ADGRL3: variants seen among roughly 807,000 people sequenced by gnomAD.
The protein encoded by ADGRL3 is calcium-independent alpha-latrotoxin receptor 3.
In ADGRL3, 62 loss-of-function variants were observed where a neutral mutation model predicts 153.5. The ratio of observed to expected loss-of-function variants is 0.40; its 90% CI spans 0.33 to 0.50. ADGRL3 has a LOEUF of 0.50. Ranked by LOEUF, ADGRL3 falls within the 20% of genes least tolerant of loss-of-function variation. The pLI is 0.47. For synonymous variants in ADGRL3, 710 were observed against 672.5 expected, an observed-to-expected ratio of 1.06 and a Z score of -0.86; for missense variants, 1,641 against 1,859.4, an observed-to-expected ratio of 0.88 and a Z score of 2.16.
At position 61,865,815 on chromosome 4, in the gene ADGRL3, G is replaced by A. The variant is rs866710071; in HGVS notation, c.1481-26841G>A. Among the ~76,000 whole-genome samples, 2 of 152,186 alleles carry A rather than the reference G, an allele frequency of 1.3e-5. 1 individual carries two copies. The highest frequency in any genetic ancestry group is 4.1e-4 in the South Asian group (2 of 4,838). On this transcript the variant is annotated intron_variant, in intron 9 of 26. Transcript: ENST00000683033. Reference sequence around the variant, plus strand: ...GAGAGGGGAGCATAAGTTTGGGCAGGAAAGGTCTTAAGTGACTGTCTTTGA... The same window carrying A: ...GAGAGGGGAGCATAAGTTTGGGCAGAAAAGGTCTTAAGTGACTGTCTTTGA...
intron 4 of ADGRL3, among the ~76,000 whole-genome samples, chr4:61,525,846 A>G: frequency 6.6e-6 from 1 of 152,064 alleles, no homozygotes; most frequent in East Asian, 1.9e-4. Flanking sequence ...AATAATGGTG[A>G]AGTTGGTCTT....
intron 2 of ADGRL3, among the ~76,000 whole-genome samples, chr4:61,412,836 T>G (rs557625580): frequency 6.6e-6 from 1 of 152,322 alleles, no homozygotes; most frequent in South Asian, 2.1e-4. Context: ...ATTTTTGTAA[T>G]TGCTCATTGG....
At chr4:61,833,697 A>G (rs1050603602) in intron 9 of ADGRL3, among the ~76,000 whole-genome samples, 15 of 152,172 alleles carry the variant, frequency 9.9e-5, no homozygotes, top group African/African-American at 3.1e-4. Context: ...CTCCAGCTGC[A>G]TGACTCCTAA....
chr4:61,797,971 C>T (rs897304140), intron 8 of ADGRL3, among the ~76,000 whole-genome samples: 11 of 152,154 alleles, frequency 7.2e-5, no homozygotes, highest in Non-Finnish European at 1.6e-4. Context: ...TCACAGCCAT[C>T]TATTAATATG....
intron 6 of ADGRL3, among the ~76,000 whole-genome samples, chr4:61,713,056 T>A (rs2096029581): frequency 1.3e-5 from 2 of 152,210 alleles, no homozygotes; most frequent in South Asian, 4.1e-4. Context: ...AAAAAGTAAT[T>A]GCATAAATAT....
chr4:61,846,968 G>GTGTATATATATGTATATA (rs1181989440), intron 9 of ADGRL3, among the ~76,000 whole-genome samples: 1 of 149,106 alleles, frequency 6.7e-6, no homozygotes, highest in Non-Finnish European at 1.5e-5. Context: ...GTGTGTGTGT[G>GTGTATATATATGTATATA]TGTATATATA....
At chr4:61,294,194 T>A (rs764092375) in intron 1 of ADGRL3, among the ~76,000 whole-genome samples, 3 of 152,180 alleles carry the variant, frequency 2.0e-5, no homozygotes, top group Non-Finnish European at 4.4e-5. Context: ...CAGTCAGCCC[T>A]GCGATCACGA....
At chr4:61,320,471 C>A (rs1015576288) in intron 1 of ADGRL3, among the ~76,000 whole-genome samples, 1 of 152,128 alleles carries the variant, frequency 6.6e-6, no homozygotes, top group Non-Finnish European at 1.5e-5. Context: ...GTAGGGCAAG[C>A]CTATAGGCTG....
intron 11 of ADGRL3, among the ~76,000 whole-genome samples, chr4:61,901,830 A>G (rs961493638): frequency 6.6e-6 from 1 of 152,158 alleles, no homozygotes; most frequent in African/African-American, 2.4e-5. Flanking sequence ...TTCAAGTCCT[A>G]GATATAATCC....
At position 61,643,941 on chromosome 4, in the gene ADGRL3, C is replaced by G. The variant is rs1289997938; in HGVS notation, c.474-32885C>G. On this transcript the variant is annotated intron_variant, in intron 5 of 26. Coordinates refer to ENST00000683033, the MANE Select transcript of ADGRL3 (RefSeq NM_001387552.1). Reference sequence around the variant, plus strand: ...TCCTGGACTCTTTTTGGTTGGTAAGCTATTGATTATTGCCACAATTTCAGA... The same window carrying G: ...TCCTGGACTCTTTTTGGTTGGTAAGGTATTGATTATTGCCACAATTTCAGA... Among the ~76,000 whole-genome samples the G allele has an allele frequency of 3.8e-5, 5 of 131,292 alleles. No individual in the cohort carries two copies. In the Admixed American group the frequency reaches 4.0e-4, roughly 11 times the overall value. 86.1% of individuals were successfully genotyped at this position (131,292 alleles called of 152,430 possible).
At chr4:61,547,367 C>T (rs1054174991) in intron 4 of ADGRL3, among the ~76,000 whole-genome samples, 24 of 151,800 alleles carry the variant, frequency 1.6e-4, no homozygotes, top group Admixed American at 1.6e-3. Flanking sequence ...TATTTTGTCA[C>T]CGGGTAATAA....
chr4:61,664,765 G>C (rs1402630423), intron 5 of ADGRL3, among the ~76,000 whole-genome samples: 1 of 152,052 alleles, frequency 6.6e-6, no homozygotes, highest in Admixed American at 6.6e-5. Context: ...AGTTATTGTG[G>C]TACAAATTTT....
At chr4:61,646,997 G>T (rs943014285) in intron 5 of ADGRL3, among the ~76,000 whole-genome samples, 5 of 152,278 alleles carry the variant, frequency 3.3e-5, no homozygotes, top group Admixed American at 3.3e-4. Context: ...TTTTTAAGCC[G>T]GTAGGAAAAG....
At chr4:61,798,630 A>C (rs1580877308) in intron 8 of ADGRL3, among the ~76,000 whole-genome samples, 1 of 146,154 alleles carries the variant, frequency 6.8e-6, no homozygotes, top group Non-Finnish European at 1.5e-5. Context: ...TTATTTATTT[A>C]TTTTTGAGAC....
At chr4:61,863,261 G>A (rs575056035) in intron 9 of ADGRL3, among the ~76,000 whole-genome samples, 29 of 100,944 alleles carry the variant, frequency 2.9e-4, no homozygotes, top group Non-Finnish European at 5.3e-4. Flanking sequence ...TTTTTGAGAC[G>A]GAGTCTCGCT....
chr4:61,532,058 A>T (rs928782235), intron 4 of ADGRL3, among the ~76,000 whole-genome samples: 11 of 152,336 alleles, frequency 7.2e-5, no homozygotes, highest in African/African-American at 2.6e-4. Flanking sequence ...AATAATCAAC[A>T]AGCTAAAATG....
intron 21 of ADGRL3, 50 bp downstream of exon 21, chr4:61,998,315 C>T (rs2099128814): frequency 3.4e-6 from 3 of 886,066 alleles, no homozygotes; most frequent in Non-Finnish European, 5.1e-6. Context: ...CATTTATACT[C>T]CAAACTATCC....
At chr4:61,799,755 G>A (rs1164873603) in intron 8 of ADGRL3, among the ~76,000 whole-genome samples, 1 of 152,074 alleles carries the variant, frequency 6.6e-6, no homozygotes, top group Non-Finnish European at 1.5e-5. Context: ...TGCTAGTATT[G>A]TCTTGTTTGT....
chr4:61,484,150 T>C (rs1284233220), intron 2 of ADGRL3, among the ~76,000 whole-genome samples: 2 of 152,054 alleles, frequency 1.3e-5, no homozygotes, highest in Non-Finnish European at 2.9e-5. Context: ...TCCTGGAACA[T>C]GATACGTTGC....
Sources: allele counts gnomAD v4.1 joint callset (sites outside exome capture counted in the v4.1 genomes callset), GRCh38; gene constraint gnomAD v4.1.1; transcripts MANE v1.5; gene names NCBI Gene and HGNC (gene_info 2026-07-23, HGNC 2026-07-21).